Variants in KCNK2 observed in about 807,000 individuals in gnomAD.
KCNK2 encodes potassium two pore domain channel subfamily K member 2.
Under a neutral mutation model 40.5 loss-of-function variants are expected in KCNK2, and 21 were observed. The observed-to-expected ratio is 0.52, with a 90% CI of 0.37 to 0.75. The LOEUF (loss-of-function observed/expected upper bound fraction) is 0.75, where lower values mean the gene tolerates loss of function less well. Among genes scored for constraint, KCNK2 ranks in the 30% least tolerant of loss-of-function variants. The probability of loss-of-function intolerance (pLI) is 0.00; values close to 1 mark genes in which losing one functional copy is unlikely to be tolerated. For synonymous variants in KCNK2, 191 were observed against 202.2 expected (o/e 0.94, Z 0.47); for missense variants, 399 against 531.6 (o/e 0.75, Z 2.45).
At chr1:215,230,614 T>C (rs1331996727) in intron 6 of KCNK2, among the ~76,000 whole-genome samples, 1 of 135,502 alleles carries the variant, frequency 7.4e-6, no homozygotes, top group African/African-American at 2.7e-5. Flanking sequence ...TATAGCCGTA[T>C]ATATATATCT....
intron 6 of KCNK2, among the ~76,000 whole-genome samples, chr1:215,215,646 T>C (rs1459606546): frequency 6.6e-6 from 1 of 152,184 alleles, no homozygotes; most frequent in Non-Finnish European, 1.5e-5. Context: ...TACCTTAGGA[T>C]ACTGTTTAGG....
At chr1:215,030,024 C>G (rs1657131687) in intron 1 of KCNK2, among the ~76,000 whole-genome samples, 1 of 152,184 alleles carries the variant, frequency 6.6e-6, no homozygotes, top group Admixed American at 6.5e-5. Context: ...GTTTCTCACA[C>G]CAGAAATGAA....
intron 3 of KCNK2, among the ~76,000 whole-genome samples, chr1:215,157,706 G>A (rs1001850648): frequency 6.6e-6 from 1 of 152,170 alleles, no homozygotes; most frequent in African/African-American, 2.4e-5. Flanking sequence ...ACCAGGGAAA[G>A]GATCAGGAGT....
chr1:215,116,024 G>A (rs1227494226), intron 2 of KCNK2, among the ~76,000 whole-genome samples: 1 of 149,836 alleles, frequency 6.7e-6, no homozygotes, highest in African/African-American at 2.5e-5. Flanking sequence ...AAGAATTTCA[G>A]TGTTTCAAGT....
At chr1:215,187,036 C>T (rs1664466317) in intron 5 of KCNK2, among the ~76,000 whole-genome samples, 1 of 152,268 alleles carries the variant, frequency 6.6e-6, no homozygotes, top group African/African-American at 2.4e-5. Flanking sequence ...GTGGTGTGAT[C>T]GTGGCTCACT....
chr1:215,129,247 A>G (rs1351980167), intron 3 of KCNK2, among the ~76,000 whole-genome samples: 1 of 152,168 alleles, frequency 6.6e-6, no homozygotes, highest in African/African-American at 2.4e-5. Flanking sequence ...AGGAGTAAAA[A>G]TATGGCCAAG....
intron 5 of KCNK2, among the ~76,000 whole-genome samples, chr1:215,178,311 T>G (rs1434670945): frequency 6.6e-6 from 1 of 152,132 alleles, no homozygotes; most frequent in East Asian, 1.9e-4. Flanking sequence ...TGAAGAAAGA[T>G]AGTTTAACTT....
At chr1:215,088,441 G>A (rs757195967) in intron 2 of KCNK2, among the ~76,000 whole-genome samples, 11 of 152,006 alleles carry the variant, frequency 7.2e-5, no homozygotes, top group Non-Finnish European at 1.6e-4. Context: ...AAAGTGTTTC[G>A]GTGCTCAGAA....
intron 6 of KCNK2, among the ~76,000 whole-genome samples, chr1:215,202,124 G>A (rs1665104808): frequency 6.6e-6 from 1 of 152,094 alleles, no homozygotes; most frequent in Non-Finnish European, 1.5e-5. Flanking sequence ...TCAGGTTTAT[G>A]TCTTACACTT....
rs566982938 is a variant in KCNK2, at chr1:215,086,671, T to C, written c.350T>C (p.Leu117Pro). 6.2e-7 allele frequency: 1 copy of C among 1,612,872 alleles called. No individual in the cohort carries two copies. Among genetic ancestry groups the C allele is most frequent in the Non-Finnish European group, 8.5e-7 (1 of 1,178,992 alleles). ...SCVNSTELDE[L>P]IQQIVAAINA... ...GTCAATTCGACGGAGCTGGATGAAC[T>C]CATTCAGGTAATGGCATGGGAGGAG... The change falls in exon 2 of 7, where the codon CTC becomes CCC. Residue 117 changes from leucine to proline, a missense_variant. Leu to Pro is a moderately conservative substitution (Grantham distance 98). Transcript: ENST00000444842.
At chr1:215,005,781 C>G, upstream of KCNK2, 2 of 719,438 alleles carry the variant, frequency 2.8e-6, no homozygotes, top group Non-Finnish European at 4.9e-6. Context: ...GGGTAACATT[C>G]ACACACAAAA....
chr1:215,095,959 C>T (rs1659959684), intron 2 of KCNK2, among the ~76,000 whole-genome samples: 1 of 151,954 alleles, frequency 6.6e-6, no homozygotes, highest in East Asian at 1.9e-4. Context: ...CATGCCGGGG[C>T]ATGACTAGGT....
At chr1:215,102,844 G>T (rs771181104) in intron 2 of KCNK2, among the ~76,000 whole-genome samples, 3 of 152,090 alleles carry the variant, frequency 2.0e-5, no homozygotes, top group South Asian at 2.1e-4. Context: ...TAGTCTGGGC[G>T]TGTAGTAGGC....
chr1:215,164,604 T>G (rs912639486), intron 3 of KCNK2, among the ~76,000 whole-genome samples: 4 of 152,190 alleles, frequency 2.6e-5, no homozygotes, highest in African/African-American at 9.7e-5. Flanking sequence ...CCAGAGATTC[T>G]GGTACATTGT....
intron 1 of KCNK2, among the ~76,000 whole-genome samples, chr1:215,047,945 A>G (rs1261954273): frequency 1.3e-5 from 2 of 152,172 alleles, no homozygotes; most frequent in Non-Finnish European, 2.9e-5. Context: ...GAAAATGCAG[A>G]GAATTCCCCC....
chr1:215,136,340 A>C (rs1343717091), intron 3 of KCNK2, among the ~76,000 whole-genome samples: 1 of 151,062 alleles, frequency 6.6e-6, no homozygotes, highest in African/African-American at 2.4e-5. Context: ...CAAGCAGTCC[A>C]CCCACCGTCG....
At chr1:215,108,410 T>C (rs957622770) in intron 2 of KCNK2, among the ~76,000 whole-genome samples, 4 of 152,204 alleles carry the variant, frequency 2.6e-5, no homozygotes, top group Non-Finnish European at 5.9e-5. Context: ...CCCTCATAGA[T>C]ACTGAGAGAC....
chr1:215,106,400 G>T (rs1363347112), intron 2 of KCNK2, among the ~76,000 whole-genome samples: 1 of 152,010 alleles, frequency 6.6e-6, no homozygotes, highest in Non-Finnish European at 1.5e-5. Flanking sequence ...TTTGAGAAGT[G>T]TCTGCTCATG....
At chr1:215,125,291 A>G (rs1339641799) in intron 3 of KCNK2, among the ~76,000 whole-genome samples, 1 of 152,168 alleles carries the variant, frequency 6.6e-6, no homozygotes, top group Non-Finnish European at 1.5e-5. Context: ...TAAGGATTAT[A>G]AAAAGTATGA....
Sources: allele counts gnomAD v4.1 joint callset (sites outside exome capture counted in the v4.1 genomes callset), GRCh38; gene constraint gnomAD v4.1.1; transcripts MANE v1.5; gene names NCBI Gene and HGNC (gene_info 2026-07-23, HGNC 2026-07-21).